ELMO1: variants seen among roughly 807,000 people sequenced by gnomAD.
The protein encoded by ELMO1 is engulfment and cell motility protein 1.
Under a neutral mutation model 98.9 loss-of-function variants are expected in ELMO1, and 26 were observed. The observed-to-expected ratio is 0.26, with a 90% CI of 0.19 to 0.36. ELMO1 has a LOEUF of 0.36. ELMO1 is among the 10% of genes least tolerant of loss of function. ELMO1 has a pLI of 1.00. For synonymous variants in ELMO1, 346 were observed against 346.0 expected (o/e 1.00, Z 0.00); for missense variants, 627 against 935.2 (o/e 0.67, Z 4.30).
At chr7:37,121,624 T>C (rs569928793) in intron 14 of ELMO1, among the ~76,000 whole-genome samples, 63 of 152,272 alleles carry the variant, frequency 4.1e-4, no homozygotes, top group African/African-American at 1.3e-3. Flanking sequence ...TATGGGACTA[T>C]GTGAAAAGAC....
chr7:37,318,500 G>A lies in ELMO1; in HGVS notation c.79-2540C>T, dbSNP rs779891192. Among the ~76,000 whole-genome samples the A allele has an allele frequency of 1.5e-4, 23 of 152,166 alleles. 1 individual carries two copies. The highest frequency in any genetic ancestry group is 5.2e-4 in the Admixed American group (8 of 15,276). On this transcript the variant is annotated intron_variant, in intron 2 of 21. Transcript: ENST00000310758. Reference sequence around the variant, plus strand: ...ACTGAAGTCTCAGAGGAATTACTTGGATTTTAATTCAGGTCTGATTCATAG... The same window carrying A: ...ACTGAAGTCTCAGAGGAATTACTTGAATTTTAATTCAGGTCTGATTCATAG...
chr7:37,206,523 T>C (rs1490404152), intron 13 of ELMO1, among the ~76,000 whole-genome samples: 1 of 152,226 alleles, frequency 6.6e-6, no homozygotes, highest in Non-Finnish European at 1.5e-5. Context: ...TTCATTTCAT[T>C]CCCTGCCATC....
intron 13 of ELMO1, among the ~76,000 whole-genome samples, chr7:37,193,008 T>TATATAC (rs1184401217): frequency 2.0e-4 from 25 of 125,076 alleles, no homozygotes; most frequent in African/African-American, 6.8e-4. Context: ...TATATATATA[T>TATATAC]ACACACACAC....
chr7:37,320,533 T>C (rs965234738), intron 2 of ELMO1, among the ~76,000 whole-genome samples: 1 of 152,208 alleles, frequency 6.6e-6, no homozygotes, highest in Non-Finnish European at 1.5e-5. Flanking sequence ...TTAATATCCA[T>C]GTCAAAGCCA....
At chr7:37,253,936 TC>T (rs953662650) in intron 6 of ELMO1, among the ~76,000 whole-genome samples, 1 of 152,166 alleles carries the variant, frequency 6.6e-6, no homozygotes, top group African/African-American at 2.4e-5. Context: ...AATTACAGGA[TC>T]TATTTAATTT....
At chr7:37,224,340 C>T (rs73108975) in intron 9 of ELMO1, among the ~76,000 whole-genome samples, 180 of 152,256 alleles carry the variant, frequency 1.2e-3, no homozygotes, top group Middle Eastern at 3.4e-3. Context: ...TATCTTATGT[C>T]CATTTTATAG....
At chr7:37,289,691 A>G (rs1797575705) in intron 4 of ELMO1, among the ~76,000 whole-genome samples, 1 of 152,118 alleles carries the variant, frequency 6.6e-6, no homozygotes, top group Non-Finnish European at 1.5e-5. Flanking sequence ...GAAGCAAACA[A>G]CCCAGCAGCA....
intron 1 of ELMO1, among the ~76,000 whole-genome samples, chr7:37,345,716 G>A (rs1258368946): frequency 6.6e-6 from 1 of 151,308 alleles, no homozygotes; most frequent in South Asian, 2.1e-4. Flanking sequence ...CAAGCCGGGT[G>A]TGGTGGCTCA....
At chr7:37,013,565 G>A (rs1240957266) in intron 15 of ELMO1, 130 bp from the exon 16 acceptor site, 2 of 1,166,554 alleles carry the variant, frequency 1.7e-6, no homozygotes, top group South Asian at 1.6e-5. Flanking sequence ...TGGTGAAAAA[G>A]TATTTTTGAA....
intron 1 of ELMO1, among the ~76,000 whole-genome samples, chr7:37,388,734 T>C (rs1479412126): frequency 2.6e-5 from 4 of 151,980 alleles, no homozygotes; most frequent in East Asian, 1.9e-4. Context: ...GCCCAGGAGA[T>C]AGAGGTTACA....
chr7:37,100,259 T>A (rs1784572318), intron 14 of ELMO1, among the ~76,000 whole-genome samples: 1 of 152,278 alleles, frequency 6.6e-6, no homozygotes, highest in Non-Finnish European at 1.5e-5. Context: ...TATAAGGTTC[T>A]ATGTCATCTA....
At chr7:37,043,896 T>C (rs769820902) in intron 15 of ELMO1, among the ~76,000 whole-genome samples, 4 of 152,020 alleles carry the variant, frequency 2.6e-5, no homozygotes, top group Non-Finnish European at 5.9e-5. Context: ...AACTCGGGGG[T>C]CCTCAGGTTC....
intron 13 of ELMO1, among the ~76,000 whole-genome samples, chr7:37,192,968 GAGATATATATAT>G (rs1225312012): frequency 1.4e-4 from 13 of 94,228 alleles, no homozygotes; most frequent in African/African-American, 3.8e-4. Context: ...ATATATATAG[GAGATATATATAT>G]ATATATATAT....
intron 16 of ELMO1, among the ~76,000 whole-genome samples, chr7:37,010,299 G>C (rs1793454931): frequency 6.6e-6 from 1 of 152,218 alleles, no homozygotes. Context: ...GAAATAGGCA[G>C]AATAACAGCT....
chr7:36,961,040 G>A (rs977561075), intron 16 of ELMO1, among the ~76,000 whole-genome samples: 1 of 152,222 alleles, frequency 6.6e-6, no homozygotes, highest in Middle Eastern at 3.4e-3. Context: ...GTGTGTCTGT[G>A]TAGTTTTATC....
chr7:37,143,945 A>G (rs1584714302), intron 13 of ELMO1, among the ~76,000 whole-genome samples: 1 of 152,014 alleles, frequency 6.6e-6, no homozygotes, highest in Non-Finnish European at 1.5e-5. Flanking sequence ...TCCTGACCTC[A>G]GGTAATCCAC....
At chr7:36,871,112 T>C (rs1354983285) in intron 19 of ELMO1, among the ~76,000 whole-genome samples, 2 of 152,252 alleles carry the variant, frequency 1.3e-5, no homozygotes, top group Non-Finnish European at 2.9e-5. Context: ...GAGAATTCCT[T>C]TCTGATACAG....
intron 16 of ELMO1, among the ~76,000 whole-genome samples, chr7:36,951,224 T>A (rs1328577044): frequency 6.6e-6 from 1 of 151,976 alleles, no homozygotes; most frequent in East Asian, 1.9e-4. Flanking sequence ...TAAAAGGGAG[T>A]CCAGATCAGT....
intron 2 of ELMO1, among the ~76,000 whole-genome samples, chr7:37,339,442 CG>C (rs1800599948): frequency 6.6e-6 from 1 of 152,150 alleles, no homozygotes; most frequent in Admixed American, 6.5e-5. Flanking sequence ...CTTTTGGAAA[CG>C]GCTTTTAGTG....
Sources: allele counts gnomAD v4.1 joint callset (sites outside exome capture counted in the v4.1 genomes callset), GRCh38; gene constraint gnomAD v4.1.1; transcripts MANE v1.5; gene names NCBI Gene and HGNC (gene_info 2026-07-23, HGNC 2026-07-21).